The following TMEM184B variants were observed in gnomAD, a reference collection of about 807,000 sequenced individuals.
TMEM184B encodes the protein putative MAPK-activating protein FM08.
TMEM184B carries 17 observed loss-of-function variants against 41.8 expected under a neutral mutation model. The observed-to-expected ratio is 0.41, with a 90% CI of 0.28 to 0.61. TMEM184B has a LOEUF of 0.61. TMEM184B is among the 20% of genes least tolerant of loss of function. TMEM184B has a pLI of 0.34. For missense variants in TMEM184B, 393 were observed against 557.8 expected (o/e 0.70, Z 2.98); for synonymous variants, 240 against 229.5 (o/e 1.05, Z -0.41).
intron 1 of TMEM184B, among the ~76,000 whole-genome samples, chr22:38,262,211 AC>A (rs1449275482): frequency 6.6e-6 from 1 of 152,226 alleles, no homozygotes; most frequent in Non-Finnish European, 1.5e-5. Context: ...GGCAGGCACC[AC>A]GCGAAAGTGC....
intron 2 of TMEM184B, 62 bp downstream of exon 2, chr22:38,247,708 C>T (rs2092066844): frequency 2.6e-6 from 4 of 1,537,640 alleles, no homozygotes; most frequent in African/African-American, 2.7e-5. Context: ...GCCTAACCCA[C>T]ACTCTGTTCA....
chr22:38,221,786 G>A, intron 8 of TMEM184B, 76 bp from the exon 9 acceptor site: 1 of 1,566,968 alleles, frequency 6.4e-7, no homozygotes, highest in Non-Finnish European at 8.6e-7. Flanking sequence ...CCCTGCCCGT[G>A]ATCCTGGGAC....
intron 1 of TMEM184B, among the ~76,000 whole-genome samples, chr22:38,249,625 C>G (rs2092118903): frequency 6.6e-6 from 1 of 152,164 alleles, no homozygotes; most frequent in Non-Finnish European, 1.5e-5. Context: ...CGTCTCTGAG[C>G]CAAAAAGTGA....
intron 3 of TMEM184B, among the ~76,000 whole-genome samples, chr22:38,236,125 C>T (rs1602405687): frequency 1.3e-5 from 2 of 152,322 alleles, no homozygotes; most frequent in South Asian, 4.1e-4. Context: ...TGTGTCTTCT[C>T]TGGAGGGTTT....
chr22:38,259,724 A>G lies in TMEM184B; in HGVS notation c.-58-11705T>C, dbSNP rs79384729. On this transcript the variant is annotated intron_variant, in intron 1 of 8. Coordinates refer to ENST00000361906, the MANE Select transcript of TMEM184B (RefSeq NM_012264.5). The stretch of plus-strand genomic sequence containing the variant: ...GACCTCCAAAACTGTGAGATAATTA[A>G]TGTGTGCGCATGCATTTTATTGGTT... 7.2e-3 allele frequency among the ~76,000 whole-genome samples: 1,102 copies of G among 152,296 alleles called. 19 individuals are homozygous for G. The highest frequency in any genetic ancestry group is 0.025 in the African/African-American group (1,040 of 41,564).
At chr22:38,219,161 C>T, downstream of TMEM184B, 1 of 713,298 alleles carries the variant, frequency 1.4e-6, no homozygotes, top group Non-Finnish European at 1.7e-6. Context: ...CAATCCGAAC[C>T]CCCATCACTG....
intron 1 of TMEM184B, among the ~76,000 whole-genome samples, chr22:38,253,388 A>C (rs1190106185): frequency 6.6e-6 from 1 of 151,712 alleles, no homozygotes; most frequent in Non-Finnish European, 1.5e-5. Flanking sequence ...AGGGCAACAT[A>C]GCGAAACCCT....
Position 38,225,360 on chromosome 22 carries a change from G to T in TMEM184B, c.787+64C>A, listed in dbSNP as rs2091401747. The T allele has an allele frequency of 2.0e-6, 3 of 1,496,766 alleles. No individual in the cohort carries two copies. The highest frequency in any genetic ancestry group is 2.7e-6 in the Non-Finnish European group (3 of 1,122,872). The allele number at this position is 1,496,766 out of a possible 1,614,324, so 92.7% of individuals were successfully genotyped here. On this transcript the variant is annotated intron_variant, in intron 7 of 8. Transcript: ENST00000361906. This position sits in a 1 kb window ranked among gnomAD's most constrained non-coding sequence, Gnocchi z 4.4. ...GGCACCAGGGACCATAAGCAGAAGG[G>T]GCAGCAGGAAGCGCAGAGGACAGGG...
chr22:38,248,379 T>C (rs2092087247), intron 1 of TMEM184B, among the ~76,000 whole-genome samples: 1 of 152,250 alleles, frequency 6.6e-6, no homozygotes, highest in Non-Finnish European at 1.5e-5. Flanking sequence ...TCTCAGCTCC[T>C]ACAGTTCCCA....
intron 1 of TMEM184B, 178 bp downstream of exon 1, chr22:38,272,706 G>A (rs1233788137): frequency 2.0e-6 from 2 of 985,424 alleles, no homozygotes; most frequent in Non-Finnish European, 2.4e-6. Flanking sequence ...CGGGTGGGGA[G>A]ACGGATGCCC....
intron 5 of TMEM184B, 136 bp from the exon 6 acceptor site, chr22:38,227,006 AGGGACGGAG>A: frequency 1.3e-6 from 1 of 769,424 alleles, no homozygotes; most frequent in Non-Finnish European, 2.1e-6. Context: ...GGAGGGATGG[AGGGACGGAG>A]GGGATGGAGG....
intron 1 of TMEM184B, chr22:38,272,413 T>G (rs2092538707): frequency 6.3e-6 from 6 of 952,520 alleles, no homozygotes; most frequent in Non-Finnish European, 7.5e-6. Flanking sequence ...CACCCTCCAC[T>G]CACGACGCAG....
chr22:38,217,534 C>A (rs1182034295), downstream of TMEM184B, among the ~76,000 whole-genome samples: 1 of 150,336 alleles, frequency 6.7e-6, no homozygotes, highest in Non-Finnish European at 1.5e-5. Context: ...CCCAGCTACT[C>A]GGGAGGCTGA....
intron 1 of TMEM184B, among the ~76,000 whole-genome samples, chr22:38,250,693 G>A (rs554876954): frequency 2.0e-4 from 30 of 152,242 alleles, no homozygotes; most frequent in Non-Finnish European, 1.9e-4. Context: ...AGCAAGGTGT[G>A]GGGGGATGTC....
intron 2 of TMEM184B, chr22:38,246,739 G>C: frequency 8.7e-7 from 1 of 1,145,378 alleles, no homozygotes; most frequent in Non-Finnish European, 1.1e-6. Flanking sequence ...TTAGGAGAAT[G>C]AATGCTACTT....
chr22:38,232,552 G>C (rs1425068699), intron 3 of TMEM184B, among the ~76,000 whole-genome samples: 1 of 152,188 alleles, frequency 6.6e-6, no homozygotes, highest in Non-Finnish European at 1.5e-5. Context: ...ATGGGAATGA[G>C]GATGGGCATC....
rs531192441 is a variant in TMEM184B, at chr22:38,272,048, A to T, written c.-59+836T>A. Among the ~76,000 whole-genome samples the T allele has an allele frequency of 3.9e-5, 6 of 152,148 alleles. 1 individual carries two copies. The South Asian group carries it at 8.3e-4, about 21-fold the overall frequency. Reference sequence around the variant, plus strand: ...GTCAGATAAATAATACATGGCCTTCACCTCACCACAGGTATCAGGCATGCA... The same window carrying T: ...GTCAGATAAATAATACATGGCCTTCTCCTCACCACAGGTATCAGGCATGCA... On this transcript the variant is annotated intron_variant, in intron 1 of 8. Transcript: ENST00000361906.
intron 5 of TMEM184B, among the ~76,000 whole-genome samples, chr22:38,227,143 A>G (rs1383068230): frequency 6.6e-6 from 1 of 151,794 alleles, no homozygotes; most frequent in Non-Finnish European, 1.5e-5. Context: ...CATATAGGAG[A>G]TGCAGCCAGC....
At chr22:38,231,358 A>G (rs1331719199) in intron 3 of TMEM184B, 24 bp from the exon 4 acceptor site, 2 of 1,594,006 alleles carry the variant, frequency 1.3e-6, no homozygotes, top group Non-Finnish European at 1.7e-6. Context: ...GTCCAGGAGA[A>G]ACCAGTCAAA....
Sources: allele counts gnomAD v4.1 joint callset (sites outside exome capture counted in the v4.1 genomes callset), GRCh38; gene constraint gnomAD v4.1.1; non-coding constraint Gnocchi (gnomAD v3.1); transcripts MANE v1.5; gene names NCBI Gene and HGNC (gene_info 2026-07-23, HGNC 2026-07-21).